APPBP2: variants seen among roughly 807,000 people sequenced by gnomAD.
APPBP2 encodes the protein amyloid protein-binding protein 2.
A neutral mutation model predicts 76.0 loss-of-function variants in APPBP2; 15 were observed. That is an observed-to-expected ratio of 0.20 (90% CI 0.13 to 0.30). The LOEUF is 0.30. Ranked by LOEUF, APPBP2 falls within the 10% of genes least tolerant of loss-of-function variation. APPBP2 has a pLI of 1.00. For synonymous variants in APPBP2, 222 were observed against 242.2 expected, an observed-to-expected ratio of 0.92 and a Z score of 0.77; for missense variants, 401 against 687.2, an observed-to-expected ratio of 0.58 and a Z score of 4.66.
intron 1 of APPBP2, among the ~76,000 whole-genome samples, chr17:60,517,864 T>C (rs774171750): frequency 1.3e-5 from 2 of 152,238 alleles, no homozygotes; most frequent in East Asian, 3.8e-4. Context: ...TATTTGAATT[T>C]GTATTTCAGT....
intron 8 of APPBP2, 105 bp downstream of exon 8, chr17:60,461,705 G>A (rs1340355504): frequency 1.4e-6 from 1 of 731,564 alleles, no homozygotes; most frequent in Non-Finnish European, 2.3e-6. Flanking sequence ...GGTGGGCGGG[G>A]TAGTTGTCAA....
intron 4 of APPBP2, among the ~76,000 whole-genome samples, chr17:60,468,731 T>C (rs2090529397): frequency 6.6e-6 from 1 of 152,204 alleles, no homozygotes; most frequent in South Asian, 2.1e-4. Flanking sequence ...CTTATTATGG[T>C]CTAATTTTAT....
chr17:60,515,984 G>T (rs988486515), intron 1 of APPBP2, among the ~76,000 whole-genome samples: 35 of 152,140 alleles, frequency 2.3e-4, no homozygotes, highest in African/African-American at 8.2e-4. Flanking sequence ...GGCCAACATG[G>T]TGAAAACCCG....
intron 12 of APPBP2, among the ~76,000 whole-genome samples, chr17:60,449,098 G>A (rs116313142): frequency 0.016 from 2,378 of 152,032 alleles, 63 homozygotes; most frequent in African/African-American, 0.053. Context: ...TACTACCTTC[G>A]GGCTAGAGAA....
At chr17:60,453,536 G>GTTTTTTTTT (rs544790789) in intron 11 of APPBP2, among the ~76,000 whole-genome samples, 6 of 140,464 alleles carry the variant, frequency 4.3e-5, no homozygotes, top group African/African-American at 1.6e-4. Context: ...TCATGATCCT[G>GTTTTTTTTT]TTTTTTTTTT....
intron 9 of APPBP2, chr17:60,459,489 CTTTT>C (rs35042120): frequency 7.8e-5 from 9 of 116,128 alleles, no homozygotes; most frequent in Admixed American, 3.5e-4. Flanking sequence ...GTTGTAGTCC[CTTTT>C]TTTTTTTTTT....
Position 60,526,055 on chromosome 17 carries a change from G to C in APPBP2, c.-124C>G. 3.1e-6 allele frequency: 3 copies of C among 965,536 alleles called. No homozygotes were observed. The highest frequency in any genetic ancestry group is 4.5e-6 in the Non-Finnish European group (3 of 662,330). 59.8% of individuals were successfully genotyped at this position (965,536 alleles called of 1,614,324 possible). On this transcript the variant is annotated 5_prime_UTR_variant, in exon 1 of 13. Coordinates refer to ENST00000083182, the MANE Select transcript of APPBP2 (RefSeq NM_006380.5). ...GGCGGTGGCAGCCACGCGGGCGCACGGCAGAAGGCACGGCCGCCCTGCCTC... is the reference window on the plus strand; with the variant it reads ...GGCGGTGGCAGCCACGCGGGCGCACCGCAGAAGGCACGGCCGCCCTGCCTC...
chr17:60,476,108 C>A, intron 4 of APPBP2, among the ~76,000 whole-genome samples: 1 of 151,806 alleles, frequency 6.6e-6, no homozygotes, highest in Non-Finnish European at 1.5e-5. Flanking sequence ...CATGTATAAG[C>A]AAGAAAAACA....
intron 2 of APPBP2, among the ~76,000 whole-genome samples, 169 bp downstream of exon 2, chr17:60,500,230 T>C (rs1312831212): frequency 6.6e-6 from 1 of 152,108 alleles, no homozygotes; most frequent in Non-Finnish European, 1.5e-5. Context: ...CAGGAAGGTC[T>C]CGATCTGACC....
intron 1 of APPBP2, among the ~76,000 whole-genome samples, chr17:60,517,827 G>A (rs1168905421): frequency 6.6e-6 from 1 of 152,128 alleles, no homozygotes; most frequent in African/African-American, 2.4e-5. Flanking sequence ...TCATCGTCAT[G>A]ATTACCTTGC....
intron 6 of APPBP2, among the ~76,000 whole-genome samples, chr17:60,462,882 C>A (rs367710703): frequency 4.1e-5 from 6 of 147,402 alleles, no homozygotes; most frequent in African/African-American, 1.3e-4. Context: ...CCCTGGGGGG[C>A]GGAGCCTGCA....
At chr17:60,525,495 CA>C (rs1276661857) in intron 1 of APPBP2, among the ~76,000 whole-genome samples, 9 of 152,262 alleles carry the variant, frequency 5.9e-5, no homozygotes, top group African/African-American at 2.2e-4. Context: ...CTAGGTGGGA[CA>C]GGGGCGCGAT....
In APPBP2 at chr17:60,525,838, T is replaced by C. The variant is rs568650007; in HGVS notation, c.94A>G (p.Ile32Val). The change falls in exon 1 of 13, where the codon ATC becomes GTC. Residue 32 changes from isoleucine to valine, a missense_variant. Coordinates refer to ENST00000083182, the MANE Select transcript of APPBP2 (RefSeq NM_006380.5). ...TGGATGTTCTCGGGCAAGGAGCGGA[T>C]GTCTCGGCGGGAGCGGATGTAGTTG... ...VDNYIRSRRD[I>V]RSLPENIQFD... 1 of 1,613,940 alleles carries C rather than the reference T, an allele frequency of 6.2e-7. No homozygotes were observed. Among genetic ancestry groups the C allele is most frequent in the African/African-American group, 1.3e-5 (1 of 74,986 alleles).
intron 1 of APPBP2, among the ~76,000 whole-genome samples, chr17:60,505,694 TTTTTTTTTTG>T (rs1426967542): frequency 7.0e-6 from 1 of 143,128 alleles, no homozygotes; most frequent in African/African-American, 2.7e-5. Flanking sequence ...TTTTTTTTTT[TTTTTTTTTTG>T]AGATGGAGTT....
At chr17:60,488,340 T>A (rs532157882) in intron 3 of APPBP2, among the ~76,000 whole-genome samples, 1 of 152,238 alleles carries the variant, frequency 6.6e-6, no homozygotes, top group Non-Finnish European at 1.5e-5. Flanking sequence ...AAAATATTAT[T>A]TATATTAAAT....
At chr17:60,447,900 A>C (rs776416714) in intron 12 of APPBP2, 66 bp from the exon 13 acceptor site, 194 of 1,421,664 alleles carry the variant, frequency 1.4e-4, no homozygotes, top group Non-Finnish European at 1.7e-4. Context: ...CAATTTCTAT[A>C]ACATGAACAC....
intron 12 of APPBP2, among the ~76,000 whole-genome samples, chr17:60,449,931 G>C (rs1487844357): frequency 6.6e-6 from 1 of 151,754 alleles, no homozygotes; most frequent in Non-Finnish European, 1.5e-5. Flanking sequence ...CGAGTAGCTG[G>C]GATTACAGGC....
At chr17:60,524,702 G>T (rs6503981) in intron 1 of APPBP2, among the ~76,000 whole-genome samples, 1 of 150,740 alleles carries the variant, frequency 6.6e-6, no homozygotes, top group African/African-American at 2.4e-5. Flanking sequence ...CTGTACATAC[G>T]TAAGAACATA....
intron 4 of APPBP2, among the ~76,000 whole-genome samples, chr17:60,467,432 A>G (rs2090519747): frequency 6.6e-6 from 1 of 152,232 alleles, no homozygotes; most frequent in African/African-American, 2.4e-5. Context: ...TCCTCTGTAT[A>G]GTCACAGAAA....
Sources: gnomAD v4.1 joint callset for allele counts (sites outside exome capture counted in the v4.1 genomes callset) on GRCh38, gnomAD v4.1.1 for gene constraint, MANE v1.5 for transcripts, NCBI Gene and HGNC (gene_info 2026-07-23, HGNC 2026-07-21) for gene names.